CNTN5: variants seen among roughly 807,000 people sequenced by gnomAD.
The protein encoded by CNTN5 is contactin 5, also known as contactin-5.
Under a neutral mutation model 129.1 loss-of-function variants are expected in CNTN5, and 77 were observed. The ratio of observed to expected loss-of-function variants is 0.60; its 90% confidence interval spans 0.50 to 0.72. The LOEUF is 0.72. CNTN5 is among the 30% of genes least tolerant of loss of function. The pLI is 0.00. For synonymous variants in CNTN5, 509 were observed against 465.6 expected (o/e 1.09, Z -1.20); for missense variants, 1,478 against 1,328.8 (o/e 1.11, Z -1.75).
At chr11:99,346,578 A>G (rs1937894677) in intron 2 of CNTN5, among the ~76,000 whole-genome samples, 1 of 152,218 alleles carries the variant, frequency 6.6e-6, no homozygotes, top group Non-Finnish European at 1.5e-5. Context: ...TCCAGTAAGG[A>G]GTTGAACCTC....
chr11:99,178,312 C>A (rs1857876339), intron 1 of CNTN5, among the ~76,000 whole-genome samples: 1 of 129,490 alleles, frequency 7.7e-6, no homozygotes, highest in African/African-American at 3.0e-5. Context: ...GAGACCTCAT[C>A]TCCACACACA....
At chr11:99,816,982 A>G (rs749330600) in intron 3 of CNTN5, among the ~76,000 whole-genome samples, 1 of 152,224 alleles carries the variant, frequency 6.6e-6, no homozygotes, top group Non-Finnish European at 1.5e-5. Context: ...GTTTAGATAG[A>G]ATATCCACTG....
At chr11:100,236,705 T>C (rs947052708) in intron 16 of CNTN5, among the ~76,000 whole-genome samples, 2 of 152,108 alleles carry the variant, frequency 1.3e-5, no homozygotes, top group African/African-American at 4.8e-5. Flanking sequence ...TCTGATTGCC[T>C]GCATTGCCTT....
intron 10 of CNTN5, among the ~76,000 whole-genome samples, chr11:100,064,852 A>G (rs1943633829): frequency 6.6e-6 from 1 of 152,110 alleles, no homozygotes; most frequent in Non-Finnish European, 1.5e-5. Flanking sequence ...GGGTAACTGA[A>G]GGGGGAAAGA....
intron 13 of CNTN5, among the ~76,000 whole-genome samples, chr11:100,155,857 A>G (rs977031710): frequency 3.9e-5 from 6 of 152,136 alleles, no homozygotes; most frequent in Non-Finnish European, 7.4e-5. Context: ...TTGATTTTGT[A>G]TCCTGAGACT....
intron 18 of CNTN5, among the ~76,000 whole-genome samples, chr11:100,289,823 CCT>C (rs1185350409): frequency 6.7e-6 from 1 of 149,616 alleles, no homozygotes; most frequent in Non-Finnish European, 1.5e-5. Context: ...TCAAATTGTC[CCT>C]GTTTGCAGAT....
intron 2 of CNTN5, among the ~76,000 whole-genome samples, chr11:99,479,379 A>G (rs1432546396): frequency 1.3e-5 from 2 of 152,028 alleles, no homozygotes. Flanking sequence ...GTCATTTAAT[A>G]CAGTTCTGAA....
chr11:100,350,137 A>T (rs1952373867), intron 23 of CNTN5, among the ~76,000 whole-genome samples: 1 of 151,870 alleles, frequency 6.6e-6, no homozygotes, highest in Admixed American at 6.6e-5. Flanking sequence ...TTCACTTTCA[A>T]CTGTTTCCTA....
intron 2 of CNTN5, among the ~76,000 whole-genome samples, chr11:99,504,845 A>G (rs1275718120): frequency 1.3e-5 from 2 of 152,178 alleles, no homozygotes; most frequent in African/African-American, 2.4e-5. Context: ...CTTTGGTGCT[A>G]CTTTCCTTAA....
At chr11:100,121,026 G>A (rs1946003240) in intron 13 of CNTN5, among the ~76,000 whole-genome samples, 1 of 151,834 alleles carries the variant, frequency 6.6e-6, no homozygotes, top group Non-Finnish European at 1.5e-5. Flanking sequence ...CAAAAAGGCA[G>A]ATTAATTGGA....
chr11:99,132,210 T>TAA (rs34834590), intron 1 of CNTN5, among the ~76,000 whole-genome samples: 1 of 148,716 alleles, frequency 6.7e-6, no homozygotes, highest in African/African-American at 2.5e-5. Flanking sequence ...CCTTTCATGT[T>TAA]AAAAAAAAAA....
At chr11:99,964,631 G>A (rs911077432) in intron 8 of CNTN5, among the ~76,000 whole-genome samples, 2 of 151,826 alleles carry the variant, frequency 1.3e-5, no homozygotes, top group African/African-American at 4.8e-5. Context: ...TTTTTTTGTT[G>A]TGTCTCTGCC....
Position 99,846,223 on chromosome 11 carries a change from C to T in CNTN5, c.577+961C>T, listed in dbSNP as rs149321346. The stretch of plus-strand genomic sequence containing the variant: ...TTAAATGAAAATTAGCCAGGTGAGG[C>T]AGCAGGTGCCTGTAGACACAGCTAC... On this transcript the variant is annotated intron_variant, in intron 6 of 24. Transcript: ENST00000524871. Among the ~76,000 whole-genome samples the T allele has an allele frequency of 4.5e-3, 674 of 150,912 alleles. 3 individuals carry two copies. Among genetic ancestry groups the T allele is most frequent in the African/African-American group, 0.016 (648 of 41,108 alleles).
chr11:99,985,073 C>G (rs913081264), intron 8 of CNTN5, among the ~76,000 whole-genome samples: 2 of 152,126 alleles, frequency 1.3e-5, no homozygotes, highest in African/African-American at 4.8e-5. Flanking sequence ...CTTCTTCGCT[C>G]CACTACCCAT....
chr11:99,037,661 A>G (rs936284862), intron 1 of CNTN5, among the ~76,000 whole-genome samples: 2 of 139,450 alleles, frequency 1.4e-5, no homozygotes, highest in African/African-American at 2.7e-5. Context: ...GTTCACAGCA[A>G]CCTCCATCTC....
At chr11:99,204,028 G>C (rs1030058744) in intron 1 of CNTN5, among the ~76,000 whole-genome samples, 1 of 152,114 alleles carries the variant, frequency 6.6e-6, no homozygotes, top group Non-Finnish European at 1.5e-5. Context: ...AAATAAATTT[G>C]CTTCTGTAGT....
At chr11:100,263,542 A>G (rs1950245992) in intron 17 of CNTN5, among the ~76,000 whole-genome samples, 1 of 152,106 alleles carries the variant, frequency 6.6e-6, no homozygotes, top group Non-Finnish European at 1.5e-5. Flanking sequence ...ATACATATTT[A>G]TTTTGTATTA....
chr11:100,030,344 C>A (rs1297710838), intron 9 of CNTN5, among the ~76,000 whole-genome samples: 2 of 152,216 alleles, frequency 1.3e-5, no homozygotes, highest in African/African-American at 4.8e-5. Context: ...TCAGTCACTG[C>A]AGCCTGGGCA....
intron 2 of CNTN5, among the ~76,000 whole-genome samples, chr11:99,480,854 C>T (rs553629949): frequency 6.6e-6 from 1 of 152,206 alleles, no homozygotes; most frequent in Non-Finnish European, 1.5e-5. Flanking sequence ...ATCAGGGCAT[C>T]TTTTACCCTA....
Sources: gnomAD v4.1 joint callset for allele counts (sites outside exome capture counted in the v4.1 genomes callset) on GRCh38, gnomAD v4.1.1 for gene constraint, MANE v1.5 for transcripts, NCBI Gene and HGNC (gene_info 2026-07-23, HGNC 2026-07-21) for gene names.